IMPA2: variants seen among roughly 807,000 people sequenced by gnomAD.
IMPA2 encodes the protein IMP 2.
IMPA2 carries 32 observed loss-of-function variants against 35.1 expected under a neutral mutation model. The observed-to-expected ratio is 0.91, with a 90% CI of 0.69 to 1.23. The LOEUF is 1.23. Among genes scored for constraint, IMPA2 ranks in the 50% most tolerant of loss-of-function variants. The pLI is 0.00. For synonymous variants in IMPA2, 135 were observed against 160.6 expected, an observed-to-expected ratio of 0.84 and a Z score of 1.20; for missense variants, 334 against 387.6, an observed-to-expected ratio of 0.86 and a Z score of 1.16.
chr18:12,025,689 C>T (rs1385738580), intron 5 of IMPA2, among the ~76,000 whole-genome samples: 2 of 152,200 alleles, frequency 1.3e-5, no homozygotes, highest in African/African-American at 2.4e-5. Context: ...AAGCGATTCT[C>T]CTGCCTCAGC....
chr18:11,990,228 T>C (rs649396), intron 1 of IMPA2, among the ~76,000 whole-genome samples: 57,643 of 152,056 alleles, frequency 0.38, 12,294 homozygotes, highest in East Asian at 0.61. Flanking sequence ...GGGCTCACCT[T>C]TCATGTGAGA....
chr18:12,024,683 T>A (rs1472857828), intron 5 of IMPA2, among the ~76,000 whole-genome samples: 1 of 152,096 alleles, frequency 6.6e-6, no homozygotes, highest in African/African-American at 2.4e-5. Context: ...TCTTTTCTCC[T>A]TCCCTTCTTT....
intron 5 of IMPA2, among the ~76,000 whole-genome samples, chr18:12,022,629 A>G (rs1038947298): frequency 6.7e-6 from 1 of 150,066 alleles, no homozygotes; most frequent in African/African-American, 2.4e-5. Flanking sequence ...TACAAAAATC[A>G]TAGTAATTGT....
chr18:12,016,339 G>A (rs1907577314), intron 5 of IMPA2, among the ~76,000 whole-genome samples: 1 of 151,990 alleles, frequency 6.6e-6, no homozygotes, highest in African/African-American at 2.4e-5. Context: ...ATGGGTAGAT[G>A]GACTTCAGGA....
chr18:12,008,084 C>G (rs1377354549), intron 2 of IMPA2, among the ~76,000 whole-genome samples: 1 of 152,098 alleles, frequency 6.6e-6, no homozygotes, highest in Non-Finnish European at 1.5e-5. Flanking sequence ...CAACCTCCAC[C>G]TCCTGGGTTC....
At position 11,991,563 on chromosome 18, in the gene IMPA2, A is replaced by G. The variant is rs1818296654; in HGVS notation, c.97-7491A>G. 6.6e-6 allele frequency among the ~76,000 whole-genome samples: 1 copy of G among 152,202 alleles called. No homozygotes were observed. Among genetic ancestry groups the G allele is most frequent in the South Asian group, 2.1e-4 (1 of 4,834 alleles). On this transcript the variant is annotated intron_variant, in intron 1 of 7. Coordinates refer to ENST00000269159, the MANE Select transcript of IMPA2 (RefSeq NM_014214.3). The surrounding 1 kb of genome is among the most constrained non-coding windows in gnomAD (Gnocchi z 4.1). ...CACGTATCAGGTTCTTCAGAGAAAC[A>G]GGACCGGCAGGAGGTGGGTGGGTCC... is the stretch of plus-strand genomic sequence containing the variant.
At position 12,014,346 on chromosome 18, in the gene IMPA2, C is replaced by T; in HGVS notation, c.463C>T (p.Gln155Ter). ...GGGTCGGGGCGCCTTCTGCAATGGC[C>T]AGCGGCTCCGGGTCTCCGGGGAGAC... ...RRGRGAFCNG[Q>*]RLRVSGETDL... is the part of the protein sequence containing the mutation. The change falls in exon 5 of 8, where the codon CAG becomes TAG. Residue 155 changes from glutamine (Q) to a stop codon, truncating the protein, a stop_gained. Transcript: ENST00000269159. LOFTEE classifies it high-confidence loss of function. The T allele has an allele frequency of 6.2e-7, 1 of 1,603,402 alleles. No individual in the cohort carries two copies. The highest frequency in any genetic ancestry group is 8.5e-7 in the Non-Finnish European group (1 of 1,174,676).
At chr18:11,993,456 C>T (rs991746755) in intron 1 of IMPA2, among the ~76,000 whole-genome samples, 2 of 152,198 alleles carry the variant, frequency 1.3e-5, no homozygotes, top group South Asian at 4.1e-4. Flanking sequence ...GCAAGGCCCC[C>T]GAGTACACCT....
At position 12,014,367 on chromosome 18, in the gene IMPA2, G is replaced by T; in HGVS notation, c.484G>T (p.Glu162Ter). The change falls in exon 5 of 8, where the codon GAG becomes TAG. Residue 162 changes from glutamate to a stop codon, truncating the protein, a stop_gained. Coordinates refer to ENST00000269159, the MANE Select transcript of IMPA2 (RefSeq NM_014214.3). LOFTEE classifies it high-confidence loss of function. ...TGGCCAGCGGCTCCGGGTCTCCGGG[G>T]AGACAGGTGGGCTTCACAACGCTCG... ...CNGQRLRVSG[E>*]TDLSKALVLT... The T allele has an allele frequency of 1.3e-6, 2 of 1,581,024 alleles. No individual in the cohort carries two copies. The highest frequency in any genetic ancestry group is 1.7e-6 in the Non-Finnish European group (2 of 1,162,546).
At chr18:12,028,453 C>T (rs915390386) in intron 6 of IMPA2, 2 of 446,586 alleles carry the variant, frequency 4.5e-6, no homozygotes, top group Non-Finnish European at 8.0e-6. Flanking sequence ...GGGGGCCTGG[C>T]GTCAGACAGG....
chr18:11,995,616 G>T (rs149784080), intron 1 of IMPA2, among the ~76,000 whole-genome samples: 1 of 152,200 alleles, frequency 6.6e-6, no homozygotes, highest in Admixed American at 6.5e-5. Context: ...CTGGGGAGAC[G>T]CATGGTCACC....
chr18:12,003,545 G>A (rs1236679334), intron 2 of IMPA2, among the ~76,000 whole-genome samples: 3 of 151,834 alleles, frequency 2.0e-5, no homozygotes, highest in Non-Finnish European at 2.9e-5. Flanking sequence ...CAGCTACTTG[G>A]AAGGTTGAGA....
chr18:12,022,433 G>T (rs1295633901), intron 5 of IMPA2, among the ~76,000 whole-genome samples: 1 of 150,894 alleles, frequency 6.6e-6, no homozygotes, highest in Non-Finnish European at 1.5e-5. Flanking sequence ...TGAGGCAGGA[G>T]AATTGCTTGA....
intron 1 of IMPA2, among the ~76,000 whole-genome samples, chr18:11,993,664 C>T (rs1190140121): frequency 1.3e-5 from 2 of 152,248 alleles, no homozygotes; most frequent in Non-Finnish European, 2.9e-5. Flanking sequence ...GGGCCTCAGC[C>T]AGGGCAGTGG....
At chr18:12,000,573 C>CAAGA (rs1353091661) in intron 2 of IMPA2, among the ~76,000 whole-genome samples, 1 of 150,752 alleles carries the variant, frequency 6.6e-6, no homozygotes. Flanking sequence ...GTCAGGATCC[C>CAAGA]AAGAATTGGT....
At chr18:12,012,823 T>C (rs947564819) in intron 4 of IMPA2, among the ~76,000 whole-genome samples, 8 of 152,206 alleles carry the variant, frequency 5.3e-5, no homozygotes, top group Admixed American at 1.3e-4. Flanking sequence ...GGGCTGCATG[T>C]TTCTCAAAAG....
At chr18:12,016,002 G>T (rs1291881738) in intron 5 of IMPA2, among the ~76,000 whole-genome samples, 1 of 152,232 alleles carries the variant, frequency 6.6e-6, no homozygotes, top group Non-Finnish European at 1.5e-5. Flanking sequence ...CAAGGGCTTT[G>T]TCCAGGGCCC....
At chr18:12,005,297 G>A (rs1047993062) in intron 2 of IMPA2, among the ~76,000 whole-genome samples, 1 of 152,070 alleles carries the variant, frequency 6.6e-6, no homozygotes, top group Non-Finnish European at 1.5e-5. Flanking sequence ...GCTCAGTGTG[G>A]GTACTTAGAG....
chr18:12,022,910 G>A (rs1907773251), intron 5 of IMPA2, among the ~76,000 whole-genome samples: 1 of 147,870 alleles, frequency 6.8e-6, no homozygotes, highest in South Asian at 2.2e-4. Flanking sequence ...CAGTAGCTGG[G>A]ATTACAAATG....
Sources: allele counts gnomAD v4.1 joint callset (sites outside exome capture counted in the v4.1 genomes callset), GRCh38; gene constraint gnomAD v4.1.1; non-coding constraint Gnocchi (gnomAD v3.1); transcripts MANE v1.5; gene names NCBI Gene and HGNC (gene_info 2026-07-23, HGNC 2026-07-21).